ACSM6: variants seen among roughly 807,000 people sequenced by gnomAD.
ACSM6 encodes acyl-CoA synthetase medium chain family member 6.
Under a neutral mutation model 51.1 loss-of-function variants are expected in ACSM6, and 35 were observed. That is an observed-to-expected ratio of 0.69 (90% CI 0.52 to 0.91). ACSM6 has a LOEUF of 0.91. Ranked by LOEUF, ACSM6 falls within the 40% of genes least tolerant of loss-of-function variation. ACSM6 has a pLI of 0.00. For synonymous variants in ACSM6, 172 were observed against 207.3 expected (o/e 0.83, Z 1.46); for missense variants, 509 against 584.1 (o/e 0.87, Z 1.32).
Position 95,209,273 on chromosome 10 carries a change from T to C in ACSM6, c.612-1377T>C, listed in dbSNP as rs904949395. 2.0e-5 allele frequency among the ~76,000 whole-genome samples: 3 copies of C among 151,960 alleles called. No individual in the cohort carries two copies. In the South Asian group the frequency reaches 6.2e-4, roughly 32 times the overall value. ...CTGAGGTGGGAGCGAGCTTAAACTG[T>C]GTGAGGAACAGAAAGAACACCAGGG... On this transcript the variant is annotated intron_variant, in intron 4 of 10. Transcript: ENST00000341686.
intron 4 of ACSM6, among the ~76,000 whole-genome samples, chr10:95,209,762 T>G (rs2034876783): frequency 6.6e-6 from 1 of 152,050 alleles, no homozygotes. Context: ...ATTTATGTAA[T>G]GTTTTCATAA....
chr10:95,199,856 G>A (rs1172004538), intron 2 of ACSM6, among the ~76,000 whole-genome samples: 6 of 152,192 alleles, frequency 3.9e-5, no homozygotes, highest in African/African-American at 1.4e-4. Context: ...GAAACAATAG[G>A]TGCTGGAGAG....
chr10:95,228,694 A>G (rs1457569076), exon 11 of ACSM6: 1 of 1,551,778 alleles, frequency 6.4e-7, no homozygotes, highest in African/African-American at 1.4e-5. Flanking sequence ...TTTACCTCAC[A>G]GGTGACAGAG....
At chr10:95,213,072 A>AATGG in intron 7 of ACSM6, 132 bp downstream of exon 7, 2 of 687,332 alleles carry the variant, frequency 2.9e-6, no homozygotes, top group Non-Finnish European at 5.1e-6. Context: ...GCCATTCATG[A>AATGG]CAACAACTCC....
rs1169947002 is a variant in ACSM6 at position 95,194,433 on chromosome 10, A to G, written c.-21-32A>G. On this transcript the variant is annotated intron_variant, in intron 1 of 10. Coordinates refer to ENST00000341686, the Ensembl canonical transcript of ACSM6. The stretch of plus-strand genomic sequence containing the variant: ...AGTGATTATCCCTCTGAGCTGCTCA[A>G]TTACTCCCTGTCTTTTCCTCAATTT... 2.0e-6 allele frequency: 3 copies of G among 1,497,532 alleles called. No individual in the cohort carries two copies. The African/African-American group carries it at 4.2e-5, about 21-fold the overall frequency. 92.8% of individuals were successfully genotyped at this position (1,497,532 alleles called of 1,614,324 possible). A position where few individuals can be genotyped will look rare whatever the true frequency, so the allele number is the denominator to read the frequency against.
chr10:95,194,802 A>T, intron 2 of ACSM6, 125 bp downstream of exon 2: 1 of 838,362 alleles, frequency 1.2e-6, no homozygotes, highest in South Asian at 2.1e-5. Flanking sequence ...GAGAAAAGAA[A>T]TTATAGCAAA....
Position 95,210,506 on chromosome 10 carries a change from C to A in ACSM6, c.612-144C>A, listed in dbSNP as rs572172160. The stretch of plus-strand genomic sequence containing the variant: ...AAAAAATTTAAGGGAAAAATGGCAG[C>A]TGCCCCTCTAACAAATAATCCTCAA... On this transcript the variant is annotated intron_variant, in intron 4 of 10. Coordinates refer to ENST00000341686, the Ensembl canonical transcript of ACSM6. 150 of 847,294 alleles carry A rather than the reference C, an allele frequency of 1.8e-4. 1 individual carries two copies. In the South Asian group the frequency reaches 2.7e-3, roughly 15 times the overall value. 52.5% of individuals were successfully genotyped at this position (847,294 alleles called of 1,614,324 possible).
intron 4 of ACSM6, among the ~76,000 whole-genome samples, chr10:95,209,003 T>C (rs1273795772): frequency 1.4e-5 from 2 of 142,258 alleles, no homozygotes; most frequent in East Asian, 4.2e-4. Context: ...ATGGATTTTA[T>C]ATTATAGACA....
chr10:95,210,750 T>G lies in ACSM6; in HGVS notation c.712T>G (p.Tyr238Asp), dbSNP rs777299091. ...AACAGGAGCTCCCAAAATGGTCGAGTATTCCCAGTATGGTTTGGGAATGGG... is the reference window on the plus strand; with the variant it reads ...AACAGGAGCTCCCAAAATGGTCGAGGATTCCCAGTATGGTTTGGGAATGGG... The change falls in exon 5 of 11, where the codon TAT becomes GAT. Residue 238 changes from tyrosine (Y) to aspartate (D), a missense_variant. Tyr to Asp is a radical substitution (Grantham distance 160, BLOSUM62 -3). Transcript: ENST00000341686. 4.3e-6 allele frequency: 7 copies of G among 1,613,974 alleles called. No individual in the cohort carries two copies. The South Asian group carries it at 6.6e-5, about 15-fold the overall frequency.
intron 8 of ACSM6, among the ~76,000 whole-genome samples, chr10:95,217,569 C>A (rs2034959790): frequency 6.6e-6 from 1 of 152,062 alleles, no homozygotes. Context: ...TTATATATTA[C>A]TACTGTTTTT....
At chr10:95,214,996 T>A (rs1275741966) in intron 8 of ACSM6, 21 bp downstream of exon 8, 1 of 1,550,704 alleles carries the variant, frequency 6.4e-7, no homozygotes, top group Non-Finnish European at 8.7e-7. Flanking sequence ...GCTGACTCAC[T>A]ATTTAGCCAG....
chr10:95,227,926 C>T (rs546713378), intron 10 of ACSM6, among the ~76,000 whole-genome samples: 16 of 152,132 alleles, frequency 1.1e-4, no homozygotes, highest in Non-Finnish European at 1.9e-4. Flanking sequence ...AAAAAATTAG[C>T]CGGGCTTGGT....
At chr10:95,208,933 TAAAAA>T (rs34370150) in intron 4 of ACSM6, among the ~76,000 whole-genome samples, 46 of 33,922 alleles carry the variant, frequency 1.4e-3, no homozygotes, top group African/African-American at 3.7e-3. Context: ...CAGGGATGTT[TAAAAA>T]AAAAAAAAAA....
chr10:95,199,686 G>A (rs2034773256), intron 2 of ACSM6, among the ~76,000 whole-genome samples: 1 of 152,098 alleles, frequency 6.6e-6, no homozygotes, highest in African/African-American at 2.4e-5. Flanking sequence ...CAAAAAGTGG[G>A]CAAAGGATAT....
At chr10:95,202,168 T>G (rs1162346673) in exon 3 of ACSM6, 5 of 1,552,056 alleles carry the variant, frequency 3.2e-6, no homozygotes, top group Non-Finnish European at 4.4e-6. Flanking sequence ...TGAAGCCTAC[T>G]GGATCTGCCT....
exon 4 of ACSM6, chr10:95,207,317 T>G: frequency 6.2e-7 from 1 of 1,614,194 alleles, no homozygotes; most frequent in Non-Finnish European, 8.5e-7. Context: ...TGGCCCCAGT[T>G]GTAAACTCTG....
intron 9 of ACSM6, 78 bp from the exon 10 acceptor site, chr10:95,225,212 A>C: frequency 9.3e-7 from 1 of 1,075,836 alleles, no homozygotes. Context: ...GAAAGGCTTA[A>C]GTTTAGATCT....
rs185644371 is a variant in ACSM6, at chr10:95,211,383, A to T, written c.756-495A>T. Among the ~76,000 whole-genome samples, 61 of 152,352 alleles carry T rather than the reference A, an allele frequency of 4.0e-4. No homozygotes were observed. In the East Asian group the frequency reaches 0.011, roughly 28 times the overall value. On this transcript the variant is annotated intron_variant, in intron 5 of 10. Transcript: ENST00000341686. ...CTGGGGTTAAGTTTCCCCACCTTACATTCAATCCTGCCTTAGACAAATGGT... is the reference window on the plus strand; with the variant it reads ...CTGGGGTTAAGTTTCCCCACCTTACTTTCAATCCTGCCTTAGACAAATGGT...
At chr10:95,226,649 T>A (rs2035042979) in intron 10 of ACSM6, among the ~76,000 whole-genome samples, 1 of 152,180 alleles carries the variant, frequency 6.6e-6, no homozygotes, top group Admixed American at 6.5e-5. Flanking sequence ...ATTAATTAGG[T>A]GGCATTATTC....
Sources: allele counts gnomAD v4.1 joint callset (sites outside exome capture counted in the v4.1 genomes callset), GRCh38; gene constraint gnomAD v4.1.1; transcripts MANE v1.5; gene names NCBI Gene and HGNC (gene_info 2026-07-23, HGNC 2026-07-21).